Variants in DLG2 observed in about 807,000 individuals in gnomAD.
The protein encoded by DLG2 is disks large homolog 2.
Under a neutral mutation model 132.5 loss-of-function variants are expected in DLG2, and 45 were observed. The ratio of observed to expected loss-of-function variants is 0.34; its 90% CI spans 0.27 to 0.44. The LOEUF is 0.44. Among genes scored for constraint, DLG2 ranks in the 20% least tolerant of loss-of-function variants. The probability of loss-of-function intolerance (pLI) is 1.00; values close to 1 mark genes in which losing one functional copy is unlikely to be tolerated. For synonymous variants in DLG2, 424 were observed against 419.6 expected (o/e 1.01, Z -0.13); for missense variants, 1,045 against 1,196.9 (o/e 0.87, Z 1.87).
intron 3 of DLG2, among the ~76,000 whole-genome samples, chr11:85,500,573 T>C (rs1448530518): frequency 7.1e-6 from 1 of 141,394 alleles, no homozygotes; most frequent in African/African-American, 3.1e-5. Context: ...AATAAATAAA[T>C]AAATAAAGTT....
At chr11:84,209,259 G>C (rs934550227) in intron 8 of DLG2, among the ~76,000 whole-genome samples, 8 of 152,122 alleles carry the variant, frequency 5.3e-5, no homozygotes, top group Admixed American at 2.6e-4. Flanking sequence ...ATCTAGATTA[G>C]GCACATTTCA....
intron 6 of DLG2, among the ~76,000 whole-genome samples, chr11:85,014,903 G>A (rs770136115): frequency 6.6e-6 from 1 of 152,126 alleles, no homozygotes; most frequent in Non-Finnish European, 1.5e-5. Context: ...CACTACTGCC[G>A]AGTTATCCCG....
chr11:83,734,618 T>C lies in DLG2; in HGVS notation c.1825+52072A>G, dbSNP rs186203416. 5.3e-5 allele frequency among the ~76,000 whole-genome samples: 8 copies of C among 152,158 alleles called. No homozygotes were observed. The East Asian group carries it at 5.8e-4, about 11-fold the overall frequency. On this transcript the variant is annotated intron_variant, in intron 18 of 27. Coordinates refer to ENST00000376104, the MANE Select transcript of DLG2 (RefSeq NM_001142699.3). ...GGCACAGGCTACAATGCCAGGCTAT[T>C]TTTTTGTATTTTAGTAGAGATGGGG... is the stretch of plus-strand genomic sequence containing the variant.
intron 6 of DLG2, among the ~76,000 whole-genome samples, chr11:84,583,202 C>G (rs761730605): frequency 2.0e-5 from 3 of 152,150 alleles, no homozygotes; most frequent in African/African-American, 4.8e-5. Flanking sequence ...TTAAGTGTAT[C>G]TGAAAGTAGC....
At chr11:84,748,799 A>T (rs1247303197) in intron 6 of DLG2, among the ~76,000 whole-genome samples, 1 of 152,172 alleles carries the variant, frequency 6.6e-6, no homozygotes, top group Non-Finnish European at 1.5e-5. Context: ...GGCTACTAAG[A>T]AGGCTATGAG....
intron 2 of DLG2, among the ~76,000 whole-genome samples, chr11:85,610,182 G>A (rs1403974532): frequency 6.6e-6 from 1 of 152,088 alleles, no homozygotes; most frequent in African/African-American, 2.4e-5. Flanking sequence ...AAGGCCTGAA[G>A]CTCATAAAGG....
chr11:83,868,962 C>T (rs572701829), intron 16 of DLG2, among the ~76,000 whole-genome samples: 93 of 152,262 alleles, frequency 6.1e-4, no homozygotes, highest in Middle Eastern at 6.8e-3. Context: ...TAAAGTCCAA[C>T]GGTCCCTTAA....
At chr11:84,282,214 A>G (rs1222461766) in intron 7 of DLG2, among the ~76,000 whole-genome samples, 1 of 152,236 alleles carries the variant, frequency 6.6e-6, no homozygotes, top group Non-Finnish European at 1.5e-5. Flanking sequence ...AAAAACATGG[A>G]CTAATCTTTA....
chr11:84,625,714 T>TGAA (rs1353209132), intron 6 of DLG2, among the ~76,000 whole-genome samples: 1 of 152,234 alleles, frequency 6.6e-6, no homozygotes, highest in African/African-American at 2.4e-5. Context: ...GATGAAAATT[T>TGAA]GAAGTCTGAG....
intron 6 of DLG2, among the ~76,000 whole-genome samples, chr11:84,607,601 G>A (rs1320999872): frequency 6.6e-6 from 1 of 152,020 alleles, no homozygotes; most frequent in Non-Finnish European, 1.5e-5. Context: ...TCTAAATTCA[G>A]TTTACTCCTT....
intron 6 of DLG2, among the ~76,000 whole-genome samples, chr11:84,607,934 T>C (rs917116135): frequency 6.6e-6 from 1 of 152,168 alleles, no homozygotes; most frequent in Admixed American, 6.6e-5. Context: ...ACATAACACA[T>C]GACTCTAACA....
chr11:85,134,845 AT>A (rs2076040538), intron 5 of DLG2, among the ~76,000 whole-genome samples: 1 of 152,178 alleles, frequency 6.6e-6, no homozygotes, highest in Admixed American at 6.5e-5. Flanking sequence ...GGCTCAAAAA[AT>A]ATTTATAGTT....
intron 6 of DLG2, among the ~76,000 whole-genome samples, chr11:85,108,856 A>T (rs539135805): frequency 6.6e-6 from 1 of 152,250 alleles, no homozygotes; most frequent in South Asian, 2.1e-4. Flanking sequence ...AAGAAGTAAC[A>T]TTGATTGTAA....
intron 3 of DLG2, among the ~76,000 whole-genome samples, chr11:85,464,584 G>A (rs2092720771): frequency 6.6e-6 from 1 of 152,078 alleles, no homozygotes; most frequent in African/African-American, 2.4e-5. Context: ...TACTATAACA[G>A]CAAAGTTATC....
At chr11:85,258,115 C>T (rs1364564156) in intron 4 of DLG2, among the ~76,000 whole-genome samples, 1 of 152,122 alleles carries the variant, frequency 6.6e-6, no homozygotes, top group Non-Finnish European at 1.5e-5. Flanking sequence ...AAGTCAACTA[C>T]CAAATTTAGA....
chr11:84,854,439 A>T (rs1224856382), intron 6 of DLG2, among the ~76,000 whole-genome samples: 2 of 152,012 alleles, frequency 1.3e-5, no homozygotes, highest in East Asian at 3.9e-4. Flanking sequence ...GAAGTAGCAG[A>T]TGATGCTACC....
chr11:85,152,782 C>T (rs1202625102), intron 5 of DLG2, among the ~76,000 whole-genome samples: 4 of 152,198 alleles, frequency 2.6e-5, no homozygotes. Flanking sequence ...ATGTGTCCTA[C>T]AGTCAAATGT....
chr11:85,423,415 G>A (rs950958942), intron 3 of DLG2, among the ~76,000 whole-genome samples: 1 of 152,236 alleles, frequency 6.6e-6, no homozygotes, highest in African/African-American at 2.4e-5. Flanking sequence ...CCTCCTGCCA[G>A]GAGGTTGAGC....
intron 6 of DLG2, among the ~76,000 whole-genome samples, chr11:84,701,082 T>A (rs2059173264): frequency 6.6e-6 from 1 of 151,682 alleles, no homozygotes; most frequent in Non-Finnish European, 1.5e-5. Context: ...GCCACTCCAA[T>A]GAGACCATCC....
Sources: allele counts gnomAD v4.1 joint callset (sites outside exome capture counted in the v4.1 genomes callset), GRCh38; gene constraint gnomAD v4.1.1; transcripts MANE v1.5; gene names NCBI Gene and HGNC (gene_info 2026-07-23, HGNC 2026-07-21).